SULF1: variants seen among roughly 807,000 people sequenced by gnomAD.
SULF1 encodes the protein extracellular sulfatase Sulf-1.
In SULF1, 46 loss-of-function variants were observed where a neutral mutation model predicts 110.5. That is an observed-to-expected ratio of 0.42 (90% CI 0.33 to 0.53). SULF1 has a LOEUF of 0.53. Among genes scored for constraint, SULF1 ranks in the 20% least tolerant of loss-of-function variants. The probability of loss-of-function intolerance (pLI) is 0.12; values close to 1 mark genes in which losing one functional copy is unlikely to be tolerated. For synonymous variants in SULF1, 371 were observed against 387.1 expected (o/e 0.96, Z 0.49); for missense variants, 941 against 1,094.2 (o/e 0.86, Z 1.98).
At chr8:69,643,906 G>T (rs1249269531) in intron 22 of SULF1, among the ~76,000 whole-genome samples, 2 of 152,174 alleles carry the variant, frequency 1.3e-5, no homozygotes, top group South Asian at 2.1e-4. Flanking sequence ...GGTTGTTGGG[G>T]TGTTTATTTT....
Position 69,629,672 on chromosome 8 carries a change from C to T in SULF1, c.2277C>T (p.Phe759=), listed in dbSNP as rs1465667318. ...HDNNHWQTAP[F]WNLGSFCACT... The stretch of plus-strand genomic sequence containing the variant: ...ACAACCACTGGCAGACAGCCCCGTT[C>T]TGGAACCGTAAGTTGCTTGTTCCAA... Residue 759 remains phenylalanine, a synonymous_variant, in exon 19 of 23, where the codon TTC becomes TTT. Coordinates refer to ENST00000402687, the MANE Select transcript of SULF1 (RefSeq NM_001128205.2). 3 of 1,605,488 alleles carry T rather than the reference C, an allele frequency of 1.9e-6. No individual in the cohort carries two copies. The highest frequency in any genetic ancestry group is 2.6e-6 in the Non-Finnish European group (3 of 1,175,930).
intron 19 of SULF1, among the ~76,000 whole-genome samples, chr8:69,633,088 C>T (rs1332084598): frequency 2.6e-5 from 4 of 151,046 alleles, no homozygotes; most frequent in Admixed American, 1.3e-4. Context: ...TTGAGATAAA[C>T]GTTTAAAAAA....
upstream of SULF1, among the ~76,000 whole-genome samples, chr8:69,488,988 G>A (rs999621170): frequency 6.6e-6 from 1 of 152,140 alleles, no homozygotes; most frequent in Non-Finnish European, 1.5e-5. Flanking sequence ...GGTGGAGTGA[G>A]GCTGGCCCAG....
chr8:69,585,259 G>A (rs1806369187), intron 6 of SULF1, among the ~76,000 whole-genome samples: 1 of 152,096 alleles, frequency 6.6e-6, no homozygotes, highest in Non-Finnish European at 1.5e-5. Flanking sequence ...TGAAGGGAAA[G>A]CTATGTGTGT....
chr8:69,590,639 T>C (rs1806829876), intron 8 of SULF1, among the ~76,000 whole-genome samples: 1 of 152,160 alleles, frequency 6.6e-6, no homozygotes, highest in African/African-American at 2.4e-5. Flanking sequence ...CTACTGAGCA[T>C]GCCCAGGAAC....
intron 13 of SULF1, among the ~76,000 whole-genome samples, chr8:69,606,446 C>T (rs1165972701): frequency 6.6e-6 from 1 of 152,148 alleles, no homozygotes; most frequent in Non-Finnish European, 1.5e-5. Flanking sequence ...ATGAGCTAGC[C>T]TCAATAGACT....
At chr8:69,597,767 C>T (rs185392273) in intron 8 of SULF1, among the ~76,000 whole-genome samples, 107 of 152,142 alleles carry the variant, frequency 7.0e-4, no homozygotes, top group African/African-American at 2.4e-3. Flanking sequence ...TTAAATTAAC[C>T]CAGCCCAACA....
chr8:69,485,613 C>T (rs1459586545), intron 1 of SULF1, among the ~76,000 whole-genome samples: 1 of 152,200 alleles, frequency 6.6e-6, no homozygotes, highest in Non-Finnish European at 1.5e-5. Flanking sequence ...AGTCTCAGCA[C>T]ATCCTTATCA....
At chr8:69,613,540 A>T (rs1184775019) in intron 13 of SULF1, among the ~76,000 whole-genome samples, 2 of 152,276 alleles carry the variant, frequency 1.3e-5, no homozygotes, top group East Asian at 3.9e-4. Flanking sequence ...TAAGTATTTT[A>T]CATGGAAAAC....
chr8:69,506,694 T>C (rs1197140425), intron 3 of SULF1, among the ~76,000 whole-genome samples: 1 of 152,142 alleles, frequency 6.6e-6, no homozygotes, highest in Non-Finnish European at 1.5e-5. Flanking sequence ...TCCAGAGATG[T>C]TGACCAACCC....
rs200813270 is a variant in SULF1 at position 69,644,163 on chromosome 8, G to A, written c.2585+3322G>A. Among the ~76,000 whole-genome samples the A allele has an allele frequency of 1.1e-4, 16 of 152,326 alleles. No individual in the cohort carries two copies. In the East Asian group the frequency reaches 3.1e-3, roughly 29 times the overall value. On this transcript the variant is annotated intron_variant, in intron 22 of 22. Transcript: ENST00000402687. ...CTGATTTTGACTCATCTCCCCCATAGTGACAGTGTGTGCCAAAGGTGGCTG... is the reference window on the plus strand; with the variant it reads ...CTGATTTTGACTCATCTCCCCCATAATGACAGTGTGTGCCAAAGGTGGCTG...
chr8:69,593,959 G>A (rs190635394), intron 8 of SULF1, among the ~76,000 whole-genome samples: 499 of 152,186 alleles, frequency 3.3e-3, no homozygotes, highest in Non-Finnish European at 4.7e-3. Context: ...TGCCATTTAC[G>A]TCCCTGGTGA....
At position 69,492,989 on chromosome 8, in the gene SULF1, A is replaced by C. The variant is rs536303216; in HGVS notation, c.-527A>C. 16 of 152,638 alleles carry C rather than the reference A, an allele frequency of 1.0e-4. No homozygotes were observed. The highest frequency in any genetic ancestry group is 2.6e-4 in the Admixed American group (4 of 15,296). The allele number at this position is 152,638 out of a possible 1,614,324, so 9.5% of individuals were successfully genotyped here. On this transcript the variant is annotated 5_prime_UTR_variant, in exon 1 of 23. Transcript: ENST00000402687. The stretch of plus-strand genomic sequence containing the variant: ...CTTCCCGGCTGCCGGCGCTCCTCGG[A>C]GGTCAGGGCAGATGAGGAACATGAC...
intron 3 of SULF1, among the ~76,000 whole-genome samples, chr8:69,546,992 TGTC>T (rs1814307073): frequency 6.6e-6 from 1 of 152,230 alleles, no homozygotes. Flanking sequence ...TTCCTTTGCT[TGTC>T]TGTACATTAT....
intron 3 of SULF1, among the ~76,000 whole-genome samples, chr8:69,505,778 A>AT (rs1339115359): frequency 1.3e-5 from 2 of 152,130 alleles, no homozygotes; most frequent in East Asian, 3.9e-4. Flanking sequence ...TTCCTTTGTG[A>AT]TTCCCCTTAC....
At chr8:69,592,507 C>A (rs1806980288) in intron 8 of SULF1, among the ~76,000 whole-genome samples, 1 of 152,166 alleles carries the variant, frequency 6.6e-6, no homozygotes, top group African/African-American at 2.4e-5. Context: ...GCCTTAGAGG[C>A]TAACGAGCCT....
intron 3 of SULF1, among the ~76,000 whole-genome samples, chr8:69,537,558 T>C (rs974255498): frequency 1.3e-5 from 2 of 152,318 alleles, no homozygotes; most frequent in East Asian, 1.9e-4. Flanking sequence ...ATCTTAGGGG[T>C]ACCCCAAGAA....
rs190311964 is a variant in SULF1, at chr8:69,638,524, G to A, written c.2307G>A (p.Thr769=). ...FWNLGSFCAC[T]SSNNNTYWCL... Reference sequence around the variant, plus strand: ...CAGTGGGATCTTTCTGTGCTTGCACGAGTTCTAACAATAACACCTACTGGT... The same window carrying A: ...CAGTGGGATCTTTCTGTGCTTGCACAAGTTCTAACAATAACACCTACTGGT... Residue 769 remains threonine, a synonymous_variant, in exon 20 of 23, where the codon ACG becomes ACA. Coordinates refer to ENST00000402687, the MANE Select transcript of SULF1 (RefSeq NM_001128205.2). 2.0e-5 allele frequency: 32 copies of A among 1,612,428 alleles called. No homozygotes were observed. The highest frequency in any genetic ancestry group is 1.6e-4 in the Middle Eastern group (1 of 6,062).
rs1417595884 is a variant in SULF1 at position 69,584,704 on chromosome 8, G to A, written c.413-1653G>A. On this transcript the variant is annotated intron_variant, in intron 6 of 22. Transcript: ENST00000402687. ...AAAATCATCGAACACAAAGCCAATAGGCTTGTAATAAAGTACTGAATAACT... is the reference window on the plus strand; with the variant it reads ...AAAATCATCGAACACAAAGCCAATAAGCTTGTAATAAAGTACTGAATAACT... 2.6e-5 allele frequency: 4 copies of A among 152,138 alleles called. No homozygotes were observed. In the East Asian group the frequency reaches 7.7e-4, roughly 29 times the overall value. The allele number at this position is 152,138 out of a possible 1,614,324, so 9.4% of individuals were successfully genotyped here. A position where few individuals can be genotyped will look rare whatever the true frequency, so the allele number is the denominator to read the frequency against.
Sources: gnomAD v4.1 joint callset for allele counts (sites outside exome capture counted in the v4.1 genomes callset) on GRCh38, gnomAD v4.1.1 for gene constraint, MANE v1.5 for transcripts, NCBI Gene and HGNC (gene_info 2026-07-23, HGNC 2026-07-21) for gene names.